Variants in SLC24A2 observed in about 807,000 individuals in gnomAD.
SLC24A2 encodes solute carrier family 24 member 2, also known as sodium/potassium/calcium exchanger 2.
A neutral mutation model predicts 62.0 loss-of-function variants in SLC24A2; 36 were observed. The observed-to-expected ratio is 0.58, with a 90% CI of 0.44 to 0.77. SLC24A2 has a LOEUF of 0.77. Among genes scored for constraint, SLC24A2 ranks in the 30% least tolerant of loss-of-function variants. The pLI is 0.00. For synonymous variants in SLC24A2, 358 were observed against 294.0 expected (o/e 1.22, Z -2.23); for missense variants, 846 against 817.9 (o/e 1.03, Z -0.42).
At chr9:20,290,281 G>T in the SLC24A2 span, among the ~76,000 whole-genome samples, 33 of 152,348 alleles carry the variant, frequency 2.2e-4, no homozygotes, top group African/African-American at 7.9e-4. Flanking sequence ...TCTGACAGGC[G>T]TGTTAAATGT....
At chr9:20,175,380 G>A in the SLC24A2 span, among the ~76,000 whole-genome samples, 3 of 151,620 alleles carry the variant, frequency 2.0e-5, no homozygotes, top group Non-Finnish European at 4.4e-5. Context: ...AATAACCTGT[G>A]GGAAAAAAGA....
the SLC24A2 span, among the ~76,000 whole-genome samples, chr9:20,103,901 A>C: frequency 1.3e-5 from 2 of 152,204 alleles, no homozygotes; most frequent in South Asian, 2.1e-4. Flanking sequence ...AAACTACTCC[A>C]AGCTACAGGA....
At chr9:20,101,630 G>A in the SLC24A2 span, among the ~76,000 whole-genome samples, 1 of 152,180 alleles carries the variant, frequency 6.6e-6, no homozygotes, top group Non-Finnish European at 1.5e-5. Context: ...AACCAAGGAG[G>A]CCAAGGAGTT....
the SLC24A2 span, among the ~76,000 whole-genome samples, chr9:20,210,658 TTTTTTTTTTTTTTTTTTC>T: frequency 6.2e-5 from 3 of 48,174 alleles, no homozygotes; most frequent in Non-Finnish European, 1.4e-4. Flanking sequence ...TTTTTTTTTT[TTTTTTTTTTTTTTTTTTC>T]TGTATTTTTA....
At chr9:19,662,630 T>C (rs758698953) in intron 2 of SLC24A2, among the ~76,000 whole-genome samples, 1 of 152,178 alleles carries the variant, frequency 6.6e-6, no homozygotes, top group Non-Finnish European at 1.5e-5. Context: ...GAGATGCTTG[T>C]AGTCCCTAAA....
chr9:19,729,932 T>C (rs1025167085), intron 2 of SLC24A2, among the ~76,000 whole-genome samples: 24 of 152,196 alleles, frequency 1.6e-4, no homozygotes, highest in African/African-American at 5.8e-4. Context: ...ATTACCCTGA[T>C]CTGATTACTA....
chr9:19,658,121 G>C (rs751173097), intron 2 of SLC24A2, among the ~76,000 whole-genome samples: 6 of 152,184 alleles, frequency 3.9e-5, no homozygotes, highest in Non-Finnish European at 7.3e-5. Flanking sequence ...CTTTGCCCAA[G>C]CTGCCCTCTG....
chr9:19,705,574 A>G (rs966576495), intron 2 of SLC24A2: 11 of 230,850 alleles, frequency 4.8e-5, no homozygotes, highest in Non-Finnish European at 1.0e-4. Context: ...AAGCCCCCCA[A>G]AACTAGCCAG....
the SLC24A2 span, among the ~76,000 whole-genome samples, chr9:19,969,976 A>T: frequency 1.3e-5 from 2 of 152,286 alleles, no homozygotes; most frequent in South Asian, 4.1e-4. Context: ...ACTACAGGAC[A>T]TCATGATACC....
At chr9:20,149,642 T>A in the SLC24A2 span, among the ~76,000 whole-genome samples, 1 of 152,102 alleles carries the variant, frequency 6.6e-6, no homozygotes, top group Non-Finnish European at 1.5e-5. Context: ...TTTATGGACA[T>A]ATATTTGAAT....
the SLC24A2 span, among the ~76,000 whole-genome samples, chr9:20,263,105 G>A: frequency 6.6e-6 from 1 of 152,132 alleles, no homozygotes; most frequent in South Asian, 2.1e-4. Flanking sequence ...GTTTCTTGTA[G>A]CCCAATACCT....
chr9:20,044,369 C>T, the SLC24A2 span, among the ~76,000 whole-genome samples: 1 of 152,098 alleles, frequency 6.6e-6, no homozygotes. Flanking sequence ...AAAGACAGAA[C>T]CTACCATTTC....
At chr9:20,261,733 C>CTTTTTTTTTTTTTTTTTTTT in the SLC24A2 span, among the ~76,000 whole-genome samples, 5 of 75,282 alleles carry the variant, frequency 6.6e-5, 2 homozygotes, top group Non-Finnish European at 7.0e-5. Context: ...AACACCAAAT[C>CTTTTTTTTTTTTTTTTTTTT]TTTTTTTTTT....
the SLC24A2 span, among the ~76,000 whole-genome samples, chr9:20,258,106 A>G: frequency 6.6e-6 from 1 of 152,204 alleles, no homozygotes; most frequent in Admixed American, 6.5e-5. Flanking sequence ...TAGGGAGAAT[A>G]ATGACTCCCA....
At chr9:20,077,873 T>C in the SLC24A2 span, among the ~76,000 whole-genome samples, 1 of 152,276 alleles carries the variant, frequency 6.6e-6, no homozygotes. Context: ...TTTCTACCCA[T>C]TTTATCTGTA....
intron 7 of SLC24A2, among the ~76,000 whole-genome samples, chr9:19,551,195 T>C (rs777125656): frequency 5.9e-5 from 9 of 152,338 alleles, no homozygotes; most frequent in African/African-American, 1.4e-4. Context: ...TTCTAAACCA[T>C]TGTACTTGCA....
At chr9:19,914,683 C>G in the SLC24A2 span, among the ~76,000 whole-genome samples, 1 of 151,962 alleles carries the variant, frequency 6.6e-6, no homozygotes, top group East Asian at 1.9e-4. Flanking sequence ...GATAATAATC[C>G]CTTATGACCT....
chr9:19,795,642 C>G, the SLC24A2 span, among the ~76,000 whole-genome samples: 4 of 151,988 alleles, frequency 2.6e-5, no homozygotes, highest in South Asian at 8.3e-4. Context: ...CTTGATTTTT[C>G]TGATTTTGAT....
chr9:19,636,327 C>CTTTCTTTCTTTCT, intron 2 of SLC24A2, among the ~76,000 whole-genome samples: 1 of 20,748 alleles, frequency 4.8e-5, no homozygotes, highest in South Asian at 2.0e-3. Flanking sequence ...TTCTTTCTTT[C>CTTTCTTTCTTTCT]TTTCTTTCTT....
Sources: allele counts gnomAD v4.1 joint callset (sites outside exome capture counted in the v4.1 genomes callset), GRCh38; gene constraint gnomAD v4.1.1; transcripts MANE v1.5; gene names NCBI Gene and HGNC (gene_info 2026-07-23, HGNC 2026-07-21).